DNASE1L3: variants seen among roughly 807,000 people sequenced by gnomAD.
DNASE1L3 encodes deoxyribonuclease 1L3.
A neutral mutation model predicts 30.9 loss-of-function variants in DNASE1L3; 27 were observed. That is an observed-to-expected ratio of 0.87 (90% confidence interval 0.64 to 1.20). The LOEUF is 1.20. DNASE1L3 is among the 50% of genes most tolerant of loss of function. DNASE1L3 has a pLI of 0.00. For missense variants in DNASE1L3, 364 were observed against 378.2 expected (o/e 0.96, Z 0.31); for synonymous variants, 135 against 138.0 (o/e 0.98, Z 0.15).
At position 58,197,717 on chromosome 3, in the gene DNASE1L3, T is replaced by G; in HGVS notation, c.704+104A>C. 4.6e-6 allele frequency: 7 copies of G among 1,529,220 alleles called. No individual in the cohort carries two copies. Among genetic ancestry groups the G allele is most frequent in the Non-Finnish European group, 6.3e-6 (7 of 1,114,232 alleles). The allele number at this position is 1,529,220 out of a possible 1,614,324, so 94.7% of individuals were successfully genotyped here. ...ATCCATCCATCGAGGCCTCCCAAAG[T>G]GCTAGGACTACTGGCGTGAGCCACA... On this transcript the variant is annotated intron_variant, in intron 6 of 7. Transcript: ENST00000394549. The surrounding 1 kb of genome is among the most constrained non-coding windows in gnomAD (Gnocchi z 5.3).
chr3:58,196,571 A>T (rs1306539264), intron 6 of DNASE1L3, among the ~76,000 whole-genome samples: 1 of 150,752 alleles, frequency 6.6e-6, no homozygotes, highest in Non-Finnish European at 1.5e-5. Context: ...AAAAAAAAAA[A>T]AAAAAACTCC....
Position 58,193,399 on chromosome 3 carries a change from G to C in DNASE1L3, c.745C>G (p.Pro249Ala). The C allele has an allele frequency of 1.2e-6, 2 of 1,614,052 alleles. No homozygotes were observed. Among genetic ancestry groups the C allele is most frequent in the Non-Finnish European group, 8.5e-7 (1 of 1,179,970 alleles). Residue 249 changes from proline (P) to alanine (A), a missense_variant, in exon 7 of 8, where the codon CCC becomes GCC. Coordinates refer to ENST00000394549, the MANE Select transcript of DNASE1L3 (RefSeq NM_004944.4). ...AAGTCAAAAACACTGTTTGACTTGG[G>C]AACAACAGAACTGACGATTTCTTGT... ...RGQEIVSSVV[P>A]KSNSVFDFQK...
chr3:58,201,973 C>T (rs2097400935), intron 4 of DNASE1L3, among the ~76,000 whole-genome samples: 1 of 152,222 alleles, frequency 6.6e-6, no homozygotes, highest in Admixed American at 6.5e-5. Flanking sequence ...TTACTTATAA[C>T]AACTGTGTTC....
chr3:58,195,613 C>CAAAAAAAAAAAAAAAAAA (rs34773952), intron 6 of DNASE1L3, among the ~76,000 whole-genome samples: 1 of 38,442 alleles, frequency 2.6e-5, no homozygotes, highest in Non-Finnish European at 5.1e-5. Flanking sequence ...ACTAAAATTA[C>CAAAAAAAAAAAAAAAAAA]AAAAAAAAAA....
chr3:58,192,999 A>G lies in DNASE1L3; in HGVS notation c.802-196T>C, dbSNP rs2097395109. ...TGGAGGGGCCTCAAATCACAGAATC[A>G]TAGGCATTGAGGGTCAAGGTCTAGT... On this transcript the variant is annotated intron_variant, in intron 7 of 7. Transcript: ENST00000394549. The surrounding 1 kb of genome is among the most constrained non-coding windows in gnomAD (Gnocchi z 4.8). The G allele has an allele frequency of 7.0e-7, 1 of 1,435,920 alleles. No individual in the cohort carries two copies. The highest frequency in any genetic ancestry group is 9.1e-7 in the Non-Finnish European group (1 of 1,102,808). 88.9% of individuals were successfully genotyped at this position (1,435,920 alleles called of 1,614,324 possible).
chr3:58,201,048 G>C lies in DNASE1L3; in HGVS notation c.495C>G (p.Ile165Met), dbSNP rs142361820. The C allele has an allele frequency of 1.8e-4, 291 of 1,613,032 alleles. No individual in the cohort carries two copies. In the African/African-American group the frequency reaches 3.3e-3, roughly 18 times the overall value. ...CCGTGTAGACCTCAACCAACTCATCGATCTCCTTAACGGATGTCTCTGGGG... is the reference window on the plus strand; with the variant it reads ...CCGTGTAGACCTCAACCAACTCATCCATCTCCTTAACGGATGTCTCTGGGG... ...HTTPETSVKE[I>M]DELVEVYTDV... Residue 165 changes from isoleucine to methionine, a missense_variant, in exon 5 of 8, where the codon ATC becomes ATG. Physicochemically the swap from Ile to Met is conservative, Grantham distance 10. Transcript: ENST00000394549.
In DNASE1L3 at chr3:58,204,891, G is replaced by A. The variant is rs1559758458; in HGVS notation, c.321-10C>T. On this transcript the variant is annotated splice_polypyrimidine_tract_variant and intron_variant, in intron 3 of 7. Transcript: ENST00000394549. ...AGACACCAGCTTTTCCCTATAAGAA[G>A]GAAAAGGAAGTCCTCCCAGCTGAGT... 6.2e-7 allele frequency: 1 copy of A among 1,613,066 alleles called. No individual in the cohort carries two copies. Among genetic ancestry groups the A allele is most frequent in the Non-Finnish European group, 8.5e-7 (1 of 1,179,154 alleles).
chr3:58,205,407 T>C, intron 3 of DNASE1L3, 64 bp downstream of exon 3: 1 of 1,408,970 alleles, frequency 7.1e-7, no homozygotes, highest in Non-Finnish European at 1.0e-6. Context: ...AGAAAAGACA[T>C]GCATTTTGAT....
rs2097403265 is a variant in DNASE1L3, at chr3:58,205,474, T to C, written c.317A>G (p.Tyr106Cys). The change falls in exon 3 of 8, where the codon TAC becomes TGC. Residue 106 changes from tyrosine (Y) to cysteine (C), a missense_variant. Coordinates refer to ENST00000394549, the MANE Select transcript of DNASE1L3 (RefSeq NM_004944.4). ...AGGGAGCATAGGTGATACTTACTTG[T>C]AGAGAAAGGCATATTGTTCTTTATA... Reference protein sequence around the residue: ...NTYKEQYAFLYKEKLVSVKRS... With the variant: ...NTYKEQYAFLCKEKLVSVKRS... The C allele has an allele frequency of 5.0e-6, 8 of 1,613,142 alleles. No homozygotes were observed. The highest frequency in any genetic ancestry group is 3.3e-5 in the South Asian group (3 of 91,070).
chr3:58,209,057 T>A (rs1275845418), intron 1 of DNASE1L3, among the ~76,000 whole-genome samples: 1 of 152,170 alleles, frequency 6.6e-6, no homozygotes, highest in Admixed American at 6.5e-5. Flanking sequence ...CTGGCCAACA[T>A]GGTGAAACCC....
Position 58,193,529 on chromosome 3 carries a change from C to G in DNASE1L3, c.705-90G>C, listed in dbSNP as rs923622995. The G allele has an allele frequency of 1.7e-5, 20 of 1,180,622 alleles. No homozygotes were observed. The African/African-American group carries it at 3.0e-4, about 18-fold the overall frequency. 73.1% of individuals were successfully genotyped at this position (1,180,622 alleles called of 1,614,324 possible). A position where few individuals can be genotyped will look rare whatever the true frequency, so the allele number is the denominator to read the frequency against. ...GTCTGTGTTTGCTGTCTGGAATTAA[C>G]CGAGCAGTCTGGCCCTTTCATGTGG... On this transcript the variant is annotated intron_variant, in intron 6 of 7. Coordinates refer to ENST00000394549, the MANE Select transcript of DNASE1L3 (RefSeq NM_004944.4).
Position 58,200,896 on chromosome 3 carries a change from A to T in DNASE1L3, c.546+101T>A. The T allele has an allele frequency of 1.2e-6, 1 of 868,162 alleles. No individual in the cohort carries two copies. The highest frequency in any genetic ancestry group is 1.8e-6 in the Non-Finnish European group (1 of 558,604). The allele number at this position is 868,162 out of a possible 1,614,324, so 53.8% of individuals were successfully genotyped here. ...TGCTGTAAGTGGTGGTAGCCTGCAC[A>T]TGCCCTTCCTCCTCCCCCTCCCTGG... On this transcript the variant is annotated intron_variant, in intron 5 of 7. Transcript: ENST00000394549. This position sits in a 1 kb window ranked among gnomAD's most constrained non-coding sequence, Gnocchi z 4.2.
At chr3:58,204,301 C>A (rs1403863278) in intron 4 of DNASE1L3, among the ~76,000 whole-genome samples, 1 of 152,004 alleles carries the variant, frequency 6.6e-6, no homozygotes, top group Non-Finnish European at 1.5e-5. Flanking sequence ...CCACCATGCC[C>A]AGCTAATTTT....
In DNASE1L3 at chr3:58,192,687, C is replaced by A. The variant is rs746100795; in HGVS notation, c.918G>T (p.Ter306TyrextTer39). Residue 306 changes from the stop codon to tyrosine, a stop_lost, in exon 8 of 8, where the codon TAG becomes TAT. Transcript: ENST00000394549. This position sits in a 1 kb window ranked among gnomAD's most constrained non-coding sequence, Gnocchi z 4.8. ...GGTTAATAAGATGAGACCCTTGGGT[C>A]TAGGAGCGTTTGCTCTTTGTTTTCT... is the stretch of plus-strand genomic sequence containing the variant. ...LRKKTKSKRS* is the reference protein window; with the variant it reads ...LRKKTKSKRSY 95 of 1,613,692 alleles carry A rather than the reference C, an allele frequency of 5.9e-5. No individual in the cohort carries two copies. The highest frequency in any genetic ancestry group is 8.0e-5 in the Non-Finnish European group (94 of 1,179,916).
intron 4 of DNASE1L3, among the ~76,000 whole-genome samples, chr3:58,203,420 C>T (rs770071700): frequency 7.9e-5 from 12 of 152,200 alleles, no homozygotes; most frequent in Non-Finnish European, 1.5e-4. Flanking sequence ...CTGTCTTGTC[C>T]AGTGCCCTCA....
intron 6 of DNASE1L3, 74 bp from the exon 7 acceptor site, chr3:58,193,513 T>A: frequency 7.4e-7 from 1 of 1,357,394 alleles, no homozygotes; most frequent in Non-Finnish European, 1.0e-6. Flanking sequence ...GGTCTGTGTT[T>A]GCTGTCTGGA....
At chr3:58,198,139 A>G (rs189716267) in intron 5 of DNASE1L3, among the ~76,000 whole-genome samples, 161 bp from the exon 6 acceptor site, 142 of 152,236 alleles carry the variant, frequency 9.3e-4, no homozygotes, top group Middle Eastern at 3.4e-3. Flanking sequence ...CCAAATTCCT[A>G]TGTTGAAGTT....
Position 58,197,899 on chromosome 3 carries a change from G to C in DNASE1L3, c.626C>G (p.Thr209Ser), listed in dbSNP as rs147210152. The C allele has an allele frequency of 8.7e-6, 14 of 1,614,220 alleles. No individual in the cohort carries two copies. Among genetic ancestry groups the C allele is most frequent in the Non-Finnish European group, 1.2e-5 (14 of 1,180,028 alleles). Residue 209 changes from threonine to serine, a missense_variant, in exon 6 of 8, where the codon ACT (threonine) becomes AGT (serine). Transcript: ENST00000394549. This position sits in a 1 kb window ranked among gnomAD's most constrained non-coding sequence, Gnocchi z 5.3. ...KKAWKNIRLR[T>S]DPRFVWLIGD... ...GATCAGCCAAACAAACCTGGGGTCA[G>C]TCCTCAAGCGGATGTTCTTCCAGGC...
At position 58,200,940 on chromosome 3, in the gene DNASE1L3, C is replaced by A; in HGVS notation, c.546+57G>T. On this transcript the variant is annotated intron_variant, in intron 5 of 7. Coordinates refer to ENST00000394549, the MANE Select transcript of DNASE1L3 (RefSeq NM_004944.4). This position sits in a 1 kb window ranked among gnomAD's most constrained non-coding sequence, Gnocchi z 4.2. ...TCCCTGGAGAGGTACTCATCCCACTCAGGGACCAGAGCCTGCCCCTGCTAG... is the reference window on the plus strand; with the variant it reads ...TCCCTGGAGAGGTACTCATCCCACTAAGGGACCAGAGCCTGCCCCTGCTAG... 6.8e-7 allele frequency: 1 copy of A among 1,471,066 alleles called. No individual in the cohort carries two copies. Among genetic ancestry groups the A allele is most frequent in the South Asian group, 1.2e-5 (1 of 83,004 alleles). The allele number at this position is 1,471,066 out of a possible 1,614,324, so 91.1% of individuals were successfully genotyped here.
Sources: gnomAD v4.1 joint callset for allele counts (sites outside exome capture counted in the v4.1 genomes callset) on GRCh38, gnomAD v4.1.1 for gene constraint, Gnocchi (gnomAD v3.1) non-coding constraint, MANE v1.5 for transcripts, NCBI Gene and HGNC (gene_info 2026-07-23, HGNC 2026-07-21) for gene names.